Variants in PTPN14 observed in about 807,000 individuals in gnomAD.
PTPN14 encodes the protein tyrosine-protein phosphatase non-receptor type 14.
In PTPN14, 53 loss-of-function variants were observed where a neutral mutation model predicts 126.8. That is an observed-to-expected ratio of 0.42 (90% CI 0.34 to 0.53). The LOEUF (loss-of-function observed/expected upper bound fraction) is 0.53. PTPN14 is among the 20% of genes least tolerant of loss of function. PTPN14 has a pLI of 0.08. For synonymous variants in PTPN14, 630 were observed against 599.3 expected (o/e 1.05, Z -0.75); for missense variants, 1,257 against 1,552.9 (o/e 0.81, Z 3.20).
chr1:214,417,794 G>T (rs144258738), intron 3 of PTPN14, among the ~76,000 whole-genome samples: 2 of 152,140 alleles, frequency 1.3e-5, no homozygotes, highest in African/African-American at 4.8e-5. Context: ...GGCCGGGTAC[G>T]TGTTGCTTTT....
intron 3 of PTPN14, among the ~76,000 whole-genome samples, chr1:214,432,920 C>T (rs1160420851): frequency 6.6e-6 from 1 of 152,044 alleles, no homozygotes; most frequent in African/African-American, 2.4e-5. Flanking sequence ...GAGCTGTACA[C>T]TTTTCTTACA....
At chr1:214,468,910 T>C (rs1660697087) in intron 1 of PTPN14, among the ~76,000 whole-genome samples, 1 of 152,220 alleles carries the variant, frequency 6.6e-6, no homozygotes, top group African/African-American at 2.4e-5. Context: ...TACACTAATC[T>C]AGCTTATGTT....
chr1:214,409,981 C>T (rs1467747793), intron 5 of PTPN14, among the ~76,000 whole-genome samples: 3 of 152,102 alleles, frequency 2.0e-5, no homozygotes, highest in African/African-American at 4.8e-5. Context: ...GGTCCCTTGA[C>T]CATTTTTTTA....
chr1:214,506,356 A>C (rs1333927785), intron 1 of PTPN14, among the ~76,000 whole-genome samples: 2 of 144,908 alleles, frequency 1.4e-5, no homozygotes, highest in Admixed American at 6.7e-5. Flanking sequence ...TTTTTTTTAA[A>C]ATTTTTTAAA....
intron 6 of PTPN14, among the ~76,000 whole-genome samples, chr1:214,402,458 A>AAAAAAAAAAAAAAAAAAAAC (rs1178695090): frequency 7.1e-6 from 1 of 141,250 alleles, no homozygotes; most frequent in African/African-American, 2.7e-5. Flanking sequence ...AAAAAAAAAA[A>AAAAAAAAAAAAAAAAAAAAC]AGCCACGATG....
Position 214,401,729 on chromosome 1 carries a change from C to T in PTPN14, c.625G>A (p.Val209Ile), listed in dbSNP as rs1406543993. 1.9e-6 allele frequency: 3 copies of T among 1,596,080 alleles called. No homozygotes were observed. Among genetic ancestry groups the T allele is most frequent in the Non-Finnish European group, 2.6e-6 (3 of 1,164,470 alleles). Residue 209 changes from valine (V) to isoleucine (I), a missense_variant, in exon 7 of 19, where the codon GTT becomes ATT. This residue lies in a region of PTPN14 where 1,021 missense variants were observed against 1,183.3 expected (regional missense o/e 0.86). Transcript: ENST00000366956. ...AEAELMYINE[V>I]ERLDGFGQEI... is the part of the protein sequence containing the mutation. Reference sequence around the variant, plus strand: ...TGTCCAAATCCATCCAAACGTTCAACTTCATTGATGTACATCAGTTCAGCT... The same window carrying T: ...TGTCCAAATCCATCCAAACGTTCAATTTCATTGATGTACATCAGTTCAGCT...
At chr1:214,407,354 C>T (rs1455912282) in intron 5 of PTPN14, among the ~76,000 whole-genome samples, 1 of 152,032 alleles carries the variant, frequency 6.6e-6, no homozygotes, top group African/African-American at 2.4e-5. Context: ...GTGAAACCCC[C>T]CGTCTCTACT....
rs546283409 is a variant in PTPN14 at position 214,450,465 on chromosome 1, C to T, written c.344+1340G>A. On this transcript the variant is annotated intron_variant, in intron 3 of 18. Coordinates refer to ENST00000366956, the MANE Select transcript of PTPN14 (RefSeq NM_005401.5). ...CCAGCCTGGGTGACAGAGCAAGACT[C>T]CGTCTCAAATTAAAAAAAAAAAAGA... Among the ~76,000 whole-genome samples the T allele has an allele frequency of 2.1e-3, 319 of 150,562 alleles. 2 individuals are homozygous for T. Among genetic ancestry groups the T allele is most frequent in the Non-Finnish European group, 3.7e-3 (248 of 67,730 alleles).
In PTPN14 at chr1:214,428,829, A is replaced by G. The variant is rs368113079; in HGVS notation, c.345-14103T>C. 7.8e-4 allele frequency among the ~76,000 whole-genome samples: 119 copies of G among 152,352 alleles called. 1 individual carries two copies. In the South Asian group the frequency reaches 0.024, roughly 30 times the overall value. The stretch of plus-strand genomic sequence containing the variant: ...CCCTATTATCAAACCACTACACTTT[A>G]AAAACATCATCATTTTTTGTAACTT... On this transcript the variant is annotated intron_variant, in intron 3 of 18. Coordinates refer to ENST00000366956, the MANE Select transcript of PTPN14 (RefSeq NM_005401.5).
chr1:214,416,594 G>A (rs1558092882), intron 3 of PTPN14, among the ~76,000 whole-genome samples: 2 of 152,210 alleles, frequency 1.3e-5, no homozygotes, highest in African/African-American at 2.4e-5. Context: ...TAGGTTGGGT[G>A]TAGGATTTTG....
intron 1 of PTPN14, among the ~76,000 whole-genome samples, chr1:214,522,251 A>G (rs2102458646): frequency 6.6e-6 from 1 of 152,148 alleles, no homozygotes; most frequent in African/African-American, 2.4e-5. Context: ...TTCTTATATC[A>G]TCTTTTCCCC....
At chr1:214,401,589 G>C in intron 7 of PTPN14, 96 bp downstream of exon 7, 1 of 1,081,542 alleles carries the variant, frequency 9.2e-7, no homozygotes, top group South Asian at 1.7e-5. Context: ...CAAAAAGAAG[G>C]CCAAGCCATT....
intron 1 of PTPN14, among the ~76,000 whole-genome samples, chr1:214,494,888 T>C (rs1661326817): frequency 6.6e-6 from 1 of 152,098 alleles, no homozygotes; most frequent in South Asian, 2.1e-4. Flanking sequence ...TCACCACAAG[T>C]GAACCTGAGG....
At chr1:214,394,824 G>A in intron 9 of PTPN14, 75 bp downstream of exon 9, 2 of 1,283,708 alleles carry the variant, frequency 1.6e-6, no homozygotes, top group Non-Finnish European at 2.3e-6. Flanking sequence ...GGAGAGCAAG[G>A]AAAGGACATT....
At chr1:214,513,544 T>C (rs763775673) in intron 1 of PTPN14, among the ~76,000 whole-genome samples, 21 of 152,148 alleles carry the variant, frequency 1.4e-4, no homozygotes, top group Non-Finnish European at 2.6e-4. Context: ...AGCATTCTCT[T>C]CTTGGCCACA....
intron 3 of PTPN14, among the ~76,000 whole-genome samples, chr1:214,429,442 T>C (rs1659747679): frequency 6.6e-6 from 1 of 152,242 alleles, no homozygotes; most frequent in African/African-American, 2.4e-5. Context: ...GCTAGAGTAC[T>C]ACATGCTTTT....
chr1:214,392,610 G>A (rs1658782370), intron 10 of PTPN14, among the ~76,000 whole-genome samples: 1 of 152,186 alleles, frequency 6.6e-6, no homozygotes, highest in African/African-American at 2.4e-5. Flanking sequence ...CTGCTCAAGA[G>A]AATGGTGTGG....
intron 1 of PTPN14, among the ~76,000 whole-genome samples, chr1:214,545,623 AC>A (rs1343938463): frequency 1.3e-5 from 2 of 152,162 alleles, no homozygotes; most frequent in Non-Finnish European, 2.9e-5. Context: ...AATGGAAAAT[AC>A]TTTTACAGAC....
chr1:214,485,901 AT>A (rs1191457350), intron 1 of PTPN14, among the ~76,000 whole-genome samples: 4 of 151,838 alleles, frequency 2.6e-5, no homozygotes, highest in African/African-American at 7.2e-5. Flanking sequence ...AATTTTTTGT[AT>A]TTTTTAGTAG....
Sources: gnomAD v4.1 joint callset for allele counts (sites outside exome capture counted in the v4.1 genomes callset) on GRCh38, gnomAD v4.1.1 for gene constraint, gnomAD v4.1.1 regional missense constraint, MANE v1.5 for transcripts, NCBI Gene and HGNC (gene_info 2026-07-23, HGNC 2026-07-21) for gene names.